Variants in ZMAT4 observed in about 807,000 individuals in gnomAD.
ZMAT4 encodes the protein zinc finger matrin-type protein 4.
Under a neutral mutation model 28.7 loss-of-function variants are expected in ZMAT4, and 17 were observed. The observed-to-expected ratio is 0.59, with a 90% CI of 0.41 to 0.89. The LOEUF (loss-of-function observed/expected upper bound fraction) is 0.89. Among genes scored for constraint, ZMAT4 ranks in the 40% least tolerant of loss-of-function variants. ZMAT4 has a pLI of 0.00. For synonymous variants in ZMAT4, 117 were observed against 109.2 expected, an observed-to-expected ratio of 1.07 and a Z score of -0.44; for missense variants, 240 against 283.8, an observed-to-expected ratio of 0.85 and a Z score of 1.11.
chr8:40,888,750 A>G (rs1818561087), intron 1 of ZMAT4, among the ~76,000 whole-genome samples: 1 of 152,242 alleles, frequency 6.6e-6, no homozygotes, highest in African/African-American at 2.4e-5. Flanking sequence ...GCGACACTCC[A>G]TCAGGAGGAG....
intron 5 of ZMAT4, among the ~76,000 whole-genome samples, chr8:40,633,469 G>C (rs565279990): frequency 6.6e-6 from 1 of 152,182 alleles, no homozygotes; most frequent in South Asian, 2.1e-4. Context: ...GTGAAGTATT[G>C]AGGGACAAGG....
At chr8:40,668,993 C>G (rs562210445) in intron 5 of ZMAT4, among the ~76,000 whole-genome samples, 23 of 152,036 alleles carry the variant, frequency 1.5e-4, no homozygotes, top group Admixed American at 4.6e-4. Flanking sequence ...TTAATTTAGC[C>G]CATAGGTCAG....
chr8:40,557,924 A>T (rs932850806), intron 6 of ZMAT4, among the ~76,000 whole-genome samples: 1 of 152,220 alleles, frequency 6.6e-6, no homozygotes, highest in Admixed American at 6.5e-5. Flanking sequence ...AATGGGGGTT[A>T]ACTGCTAGGT....
intron 5 of ZMAT4, 40 bp downstream of exon 5, chr8:40,674,664 A>AACTG: frequency 6.5e-7 from 1 of 1,531,804 alleles, no homozygotes; most frequent in Non-Finnish European, 9.0e-7. Flanking sequence ...TTTCTCTGAA[A>AACTG]GCCCAGTTTT....
intron 5 of ZMAT4, among the ~76,000 whole-genome samples, chr8:40,606,738 A>G (rs1035389563): frequency 2.0e-5 from 3 of 152,214 alleles, no homozygotes; most frequent in Admixed American, 1.3e-4. Context: ...CAGCAAGGCC[A>G]GGGAAGTGTT....
intron 5 of ZMAT4, among the ~76,000 whole-genome samples, chr8:40,594,857 C>T (rs957946176): frequency 3.9e-5 from 6 of 152,174 alleles, no homozygotes; most frequent in African/African-American, 1.4e-4. Context: ...ACTAATCATC[C>T]TATATTTTCT....
At chr8:40,600,527 G>A (rs570286462) in intron 5 of ZMAT4, among the ~76,000 whole-genome samples, 11 of 152,222 alleles carry the variant, frequency 7.2e-5, no homozygotes, top group South Asian at 2.1e-4. Flanking sequence ...GCTCAGCCTC[G>A]CCTTTGACAG....
intron 6 of ZMAT4, among the ~76,000 whole-genome samples, chr8:40,568,945 T>C (rs1029871691): frequency 6.6e-6 from 1 of 152,186 alleles, no homozygotes; most frequent in African/African-American, 2.4e-5. Flanking sequence ...TCACTACTTG[T>C]TGCATCCCCT....
intron 3 of ZMAT4, among the ~76,000 whole-genome samples, chr8:40,731,422 C>G (rs74337358): frequency 1.5e-3 from 234 of 151,020 alleles, no homozygotes; most frequent in African/African-American, 5.5e-3. Context: ...AATGATCAGA[C>G]AGAGAGAGAG....
rs148900619 is a variant in ZMAT4, at chr8:40,579,544, G to A, written c.674+1621C>T. On this transcript the variant is annotated intron_variant, in intron 6 of 6. Transcript: ENST00000297737. ...CAGAGTAATGCAAGCCATGGAACTGGCTTTGACTCACAAGGCAGAATATTG... is the reference window on the plus strand; with the variant it reads ...CAGAGTAATGCAAGCCATGGAACTGACTTTGACTCACAAGGCAGAATATTG... 8.6e-3 allele frequency among the ~76,000 whole-genome samples: 1,310 copies of A among 152,278 alleles called. 7 individuals carry two copies. Among genetic ancestry groups the A allele is most frequent in the South Asian group, 0.018 (89 of 4,828 alleles).
chr8:40,659,789 A>G (rs1416254992), intron 5 of ZMAT4, among the ~76,000 whole-genome samples: 1 of 152,172 alleles, frequency 6.6e-6, no homozygotes, highest in Non-Finnish European at 1.5e-5. Context: ...GCAACTCATC[A>G]AGGTCTCACA....
At chr8:40,712,671 G>A (rs779671025) in intron 3 of ZMAT4, among the ~76,000 whole-genome samples, 10 of 152,088 alleles carry the variant, frequency 6.6e-5, no homozygotes, top group African/African-American at 1.9e-4. Flanking sequence ...CTCCAATAGC[G>A]CCATATCCTG....
At chr8:40,754,479 G>A (rs1450934681) in intron 3 of ZMAT4, among the ~76,000 whole-genome samples, 3 of 152,138 alleles carry the variant, frequency 2.0e-5, no homozygotes, top group Admixed American at 1.3e-4. Context: ...GTCTCAGGCC[G>A]AGAAAATCAT....
At chr8:40,730,536 T>C (rs1811492613) in intron 3 of ZMAT4, among the ~76,000 whole-genome samples, 1 of 152,202 alleles carries the variant, frequency 6.6e-6, no homozygotes, top group Non-Finnish European at 1.5e-5. Context: ...TCCTCTAAAA[T>C]ACTTAATTTG....
chr8:40,718,263 A>G (rs922006928), intron 3 of ZMAT4, among the ~76,000 whole-genome samples: 3 of 152,250 alleles, frequency 2.0e-5, no homozygotes, highest in Non-Finnish European at 4.4e-5. Context: ...AGTCTGCGTC[A>G]GCAGTGTCAC....
intron 3 of ZMAT4, 140 bp downstream of exon 3, chr8:40,767,501 A>G (rs765052668): frequency 1.5e-6 from 1 of 671,198 alleles, no homozygotes; most frequent in Non-Finnish European, 2.4e-6. Context: ...ATATCATAGT[A>G]CCTGTAATAT....
In ZMAT4 at chr8:40,875,503, C is replaced by G. The variant is rs184556120; in HGVS notation, c.-5+22180G>C. Among the ~76,000 whole-genome samples, 335 of 152,288 alleles carry G rather than the reference C, an allele frequency of 2.2e-3. 4 individuals carry two copies. The highest frequency in any genetic ancestry group is 3.4e-3 in the Middle Eastern group (1 of 294). ...GCATATTGGTGCTTGCAGCCACCCC[C>G]CTACCATCTTGGCAACAAAAATACC... On this transcript the variant is annotated intron_variant, in intron 1 of 6. Coordinates refer to ENST00000297737, the MANE Select transcript of ZMAT4 (RefSeq NM_024645.3).
chr8:40,850,060 A>G lies in ZMAT4; in HGVS notation c.-4-24380T>C, dbSNP rs928113481. Among the ~76,000 whole-genome samples, 22 of 152,224 alleles carry G rather than the reference A, an allele frequency of 1.4e-4. No individual in the cohort carries two copies. In the South Asian group the frequency reaches 3.5e-3, roughly 24 times the overall value. On this transcript the variant is annotated intron_variant, in intron 1 of 6. Coordinates refer to ENST00000297737, the MANE Select transcript of ZMAT4 (RefSeq NM_024645.3). ...CTCTGCAGTCCATGCTGAATCTGAC[A>G]GTATGTTACCGTCCTCAGGCAGCAC... is the stretch of plus-strand genomic sequence containing the variant.
intron 2 of ZMAT4, among the ~76,000 whole-genome samples, chr8:40,771,472 C>T (rs1327814763): frequency 6.6e-6 from 1 of 152,034 alleles, no homozygotes; most frequent in East Asian, 1.9e-4. Context: ...TTTGATTTCA[C>T]ATTGTGTATA....
Sources: gnomAD v4.1 joint callset for allele counts (sites outside exome capture counted in the v4.1 genomes callset) on GRCh38, gnomAD v4.1.1 for gene constraint, MANE v1.5 for transcripts, NCBI Gene and HGNC (gene_info 2026-07-23, HGNC 2026-07-21) for gene names.